OPHN1: variants seen among roughly 807,000 people sequenced by gnomAD.
OPHN1 encodes oligophrenin-1.
A neutral mutation model predicts 60.7 loss-of-function variants in OPHN1; 11 were observed. The observed-to-expected ratio is 0.18, with a 90% CI of 0.11 to 0.30. The LOEUF is 0.30. Ranked by LOEUF, OPHN1 falls within the 10% of genes least tolerant of loss-of-function variation. The pLI is 1.00. For missense variants in OPHN1, 449 were observed against 611.0 expected (o/e 0.73, Z 2.80); for synonymous variants, 226 against 222.6 (o/e 1.02, Z -0.14).
chrX:68,172,320 T>C (rs1019807517), intron 15 of OPHN1, among the ~76,000 whole-genome samples: 2 of 112,226 alleles, frequency 1.8e-5, no homozygotes, highest in East Asian at 2.8e-4. Context: ...GGATGATTTC[T>C]GAAAATTATG....
At chrX:68,270,411 A>C (rs768719611) in intron 5 of OPHN1, among the ~76,000 whole-genome samples, 5 of 110,493 alleles carry the variant, frequency 4.5e-5, no homozygotes, top group Middle Eastern at 4.6e-3. Context: ...ATGTAGCCAT[A>C]AAAAAGGATG....
chrX:68,384,700 C>T (rs756560050), intron 2 of OPHN1, among the ~76,000 whole-genome samples: 2 of 103,436 alleles, frequency 1.9e-5, no homozygotes, highest in South Asian at 4.1e-4. Context: ...CCAGCCTGGG[C>T]GACAGAGGGA....
At chrX:68,247,254 C>T (rs952385881) in intron 5 of OPHN1, among the ~76,000 whole-genome samples, 5 of 111,549 alleles carry the variant, frequency 4.5e-5, no homozygotes, top group Non-Finnish European at 9.4e-5. Flanking sequence ...TCTGTGTACA[C>T]GATCATATTA....
At chrX:68,310,625 C>T (rs1277567851) in intron 2 of OPHN1, among the ~76,000 whole-genome samples, 4 of 110,274 alleles carry the variant, frequency 3.6e-5, no homozygotes, top group Non-Finnish European at 7.6e-5. Context: ...TTATATTACA[C>T]TCCAAAAAGT....
At chrX:68,060,829 CCTCT>C (rs1044000676) in intron 21 of OPHN1, among the ~76,000 whole-genome samples, 1 of 111,388 alleles carries the variant, frequency 9.0e-6, no homozygotes, top group Non-Finnish European at 1.9e-5. Flanking sequence ...CAGTTCCCTC[CCTCT>C]AATACTGCCA....
chrX:68,304,487 A>G (rs1365542665), intron 2 of OPHN1, among the ~76,000 whole-genome samples: 1 of 110,931 alleles, frequency 9.0e-6, no homozygotes, highest in East Asian at 2.8e-4. Context: ...TCTCTTGCCC[A>G]TTTTATAATT....
intron 2 of OPHN1, among the ~76,000 whole-genome samples, chrX:68,325,423 G>T (rs1369474267): frequency 9.7e-6 from 1 of 102,947 alleles, no homozygotes; most frequent in East Asian, 3.2e-4. Context: ...ATATGACACA[G>T]GAAACATCAC....
chrX:68,403,289 A>C (rs2078724626), intron 2 of OPHN1, among the ~76,000 whole-genome samples: 1 of 111,728 alleles, frequency 9.0e-6, no homozygotes, highest in Non-Finnish European at 1.9e-5. Context: ...GCCCAGATAC[A>C]GAACCGGTGT....
At chrX:68,393,895 T>TTTTTG (rs1350551860) in intron 2 of OPHN1, among the ~76,000 whole-genome samples, 1 of 73,209 alleles carries the variant, frequency 1.4e-5, no homozygotes, top group East Asian at 4.8e-4. Flanking sequence ...GTTTTTTTTT[T>TTTTTG]TTTTTTTTTT....
In OPHN1 at chrX:68,220,548, A is replaced by C. The variant is rs1196776443; in HGVS notation, c.487-6576T>G. ...AAATCCTCAATAAAATACTGGCAAA[A>C]CGAATCCAGCAGCACATCAAAAAGC... On this transcript the variant is annotated intron_variant, in intron 6 of 24. Transcript: ENST00000355520. Among the ~76,000 whole-genome samples, 503 of 92,595 alleles carry C rather than the reference A, an allele frequency of 5.4e-3. 5 individuals carry two copies. Among genetic ancestry groups the C allele is most frequent in the African/African-American group, 0.018 (475 of 25,798 alleles). The allele number at this position is 92,595 out of a possible 115,157, so 80.4% of individuals were successfully genotyped here.
chrX:68,132,371 A>G (rs2077198633), intron 15 of OPHN1, among the ~76,000 whole-genome samples: 1 of 107,566 alleles, frequency 9.3e-6, no homozygotes, highest in African/African-American at 3.4e-5. Flanking sequence ...ATGCAGCCAT[A>G]AAAAATGATG....
chrX:68,321,667 C>T (rs1193014351), intron 2 of OPHN1, among the ~76,000 whole-genome samples: 2 of 111,908 alleles, frequency 1.8e-5, no homozygotes, highest in Non-Finnish European at 3.8e-5. Flanking sequence ...GTGGCTCATG[C>T]CTGTAATCCC....
intron 2 of OPHN1, among the ~76,000 whole-genome samples, chrX:68,401,842 T>G (rs1305082616): frequency 9.0e-6 from 1 of 111,660 alleles, no homozygotes; most frequent in African/African-American, 3.3e-5. Flanking sequence ...GAACACAGGT[T>G]TGCAGAACAG....
At chrX:68,269,479 A>C (rs2077954107) in intron 5 of OPHN1, among the ~76,000 whole-genome samples, 2 of 111,765 alleles carry the variant, frequency 1.8e-5, no homozygotes, top group South Asian at 3.8e-4. Context: ...CAAAAACAAG[A>C]AATGGGGAAA....
chrX:68,430,102 C>T (rs1401577810), intron 2 of OPHN1, among the ~76,000 whole-genome samples: 10 of 111,610 alleles, frequency 9.0e-5, no homozygotes, highest in Non-Finnish European at 1.9e-4. Flanking sequence ...AGAACATAAT[C>T]CTGATCTTCT....
In OPHN1 at chrX:68,044,857, A is replaced by G. The variant is rs973148745; in HGVS notation, c.*2315T>C. 1 of 112,310 alleles carries G rather than the reference A, an allele frequency of 8.9e-6. No individual in the cohort carries two copies. The highest frequency in any genetic ancestry group is 3.2e-5 in the African/African-American group (1 of 30,871). The allele number at this position is 112,310 out of a possible 1,213,427, so 9.3% of individuals were successfully genotyped here. ...AGGCAACACACAGCAATCTCATGAC[A>G]TTTCTGGGACATATTTTCTACTGGG... On this transcript the variant is annotated 3_prime_UTR_variant, in exon 25 of 25. Coordinates refer to ENST00000355520, the MANE Select transcript of OPHN1 (RefSeq NM_002547.3).
At chrX:68,141,254 T>C (rs1211746731) in intron 15 of OPHN1, among the ~76,000 whole-genome samples, 1 of 112,037 alleles carries the variant, frequency 8.9e-6, no homozygotes, top group Non-Finnish European at 1.9e-5. Context: ...GTGTGAAGGT[T>C]ACCAGTCAGA....
intron 20 of OPHN1, among the ~76,000 whole-genome samples, chrX:68,069,515 T>C (rs1434744654): frequency 9.0e-6 from 1 of 111,600 alleles, no homozygotes; most frequent in Non-Finnish European, 1.9e-5. Context: ...AATCTCTTCA[T>C]CATTCCTTAT....
chrX:68,220,415 T>C lies in OPHN1; in HGVS notation c.487-6443A>G, dbSNP rs1462136508. Among the ~76,000 whole-genome samples, 3 of 111,309 alleles carry C rather than the reference T, an allele frequency of 2.7e-5. No homozygotes were observed. In the East Asian group the frequency reaches 8.5e-4, roughly 32 times the overall value. On this transcript the variant is annotated intron_variant, in intron 6 of 24. Coordinates refer to ENST00000355520, the MANE Select transcript of OPHN1 (RefSeq NM_002547.3). ...CAATCAATAGAAAAAGAGGGAATCC[T>C]CCCTAACTCATTTCATGAGGCCAGC...
Sources: gnomAD v4.1 joint callset for allele counts (sites outside exome capture counted in the v4.1 genomes callset) on GRCh38, gnomAD v4.1.1 for gene constraint, MANE v1.5 for transcripts, NCBI Gene and HGNC (gene_info 2026-07-23, HGNC 2026-07-21) for gene names.